Variants in LRRC37A2 observed in about 807,000 individuals in gnomAD.
LRRC37A2 encodes the protein leucine rich repeat containing 37 member A2, also known as leucine-rich repeat-containing protein 37A2.
In LRRC37A2, 9 loss-of-function variants were observed where a neutral mutation model predicts 68.8. That is an observed-to-expected ratio of 0.13 (90% confidence interval 0.08 to 0.23). The LOEUF (loss-of-function observed/expected upper bound fraction) is 0.23, where lower values mean the gene tolerates loss of function less well. Among genes scored for constraint, LRRC37A2 ranks in the 10% least tolerant of loss-of-function variants. LRRC37A2 has a pLI of 1.00. For missense variants in LRRC37A2, 168 were observed against 950.4 expected (o/e 0.18, Z 10.82); for synonymous variants, 63 against 367.6 (o/e 0.17, Z 9.48).
At chr17:46,818,865 C>T in the LRRC37A2 span, 2 of 538,704 alleles carry the variant, frequency 3.7e-6, no homozygotes, top group Non-Finnish European at 6.6e-6. Context: ...CCCGCCCGGC[C>T]CACAACTCGG....
chr17:46,721,682 T>C, the LRRC37A2 span: 3 of 1,605,652 alleles, frequency 1.9e-6, no homozygotes, highest in Non-Finnish European at 2.6e-6. Context: ...ATTGTTCTGC[T>C]GTGCTTTGTC....
At chr17:46,881,842 C>A in the LRRC37A2 span, among the ~76,000 whole-genome samples, 1 of 152,188 alleles carries the variant, frequency 6.6e-6, no homozygotes, top group African/African-American at 2.4e-5. Flanking sequence ...CACCAAGACA[C>A]TTACATACTT....
chr17:46,993,303 T>C, the LRRC37A2 span, among the ~76,000 whole-genome samples: 16 of 152,212 alleles, frequency 1.1e-4, no homozygotes, highest in African/African-American at 3.9e-4. Context: ...CCCAGGCTCA[T>C]GGGACAACAG....
At chr17:46,493,129 A>C in the LRRC37A2 span, among the ~76,000 whole-genome samples, 1 of 131,748 alleles carries the variant, frequency 7.6e-6, no homozygotes, top group African/African-American at 3.3e-5. Flanking sequence ...TGCCATCTGT[A>C]TATCATTGTT....
chr17:46,780,694 A>G, the LRRC37A2 span, among the ~76,000 whole-genome samples: 4 of 151,866 alleles, frequency 2.6e-5, no homozygotes, highest in African/African-American at 7.3e-5. Flanking sequence ...GGAGAATGGC[A>G]TGAACCTGGG....
At chr17:46,771,987 G>A in the LRRC37A2 span, among the ~76,000 whole-genome samples, 1 of 150,184 alleles carries the variant, frequency 6.7e-6, no homozygotes, top group African/African-American at 2.4e-5. Flanking sequence ...CCCCAGACTC[G>A]CGGAAGACGC....
chr17:46,927,664 G>T, the LRRC37A2 span, among the ~76,000 whole-genome samples: 3 of 152,114 alleles, frequency 2.0e-5, no homozygotes, highest in Admixed American at 6.5e-5. Flanking sequence ...ATAACGTGGG[G>T]CTGTGTCTAG....
the LRRC37A2 span, among the ~76,000 whole-genome samples, chr17:46,996,105 T>A: frequency 6.6e-6 from 1 of 152,104 alleles, no homozygotes; most frequent in Non-Finnish European, 1.5e-5. Context: ...GCTTCCCACT[T>A]ACCCCTGTGC....
the LRRC37A2 span, among the ~76,000 whole-genome samples, chr17:46,823,001 T>A: frequency 1.8e-4 from 16 of 86,732 alleles, no homozygotes; most frequent in East Asian, 6.6e-4. Context: ...TATTTATATA[T>A]ATATGTATTT....
chr17:47,008,654 A>G, the LRRC37A2 span, among the ~76,000 whole-genome samples: 1 of 146,150 alleles, frequency 6.8e-6, no homozygotes, highest in Admixed American at 6.9e-5. Flanking sequence ...TGTTTTTTGT[A>G]TTTTTAGTAG....
At chr17:46,956,232 T>C in the LRRC37A2 span, among the ~76,000 whole-genome samples, 1 of 149,598 alleles carries the variant, frequency 6.7e-6, no homozygotes, top group East Asian at 2.0e-4. Context: ...CCCTCTGGGG[T>C]AGAAATCTCT....
At chr17:46,926,049 C>G in the LRRC37A2 span, among the ~76,000 whole-genome samples, 1 of 152,164 alleles carries the variant, frequency 6.6e-6, no homozygotes, top group Admixed American at 6.5e-5. Context: ...ACAAGAAGCA[C>G]TACATTTAAC....
the LRRC37A2 span, among the ~76,000 whole-genome samples, chr17:46,417,480 CT>C: frequency 2.6e-5 from 1 of 37,804 alleles, no homozygotes; most frequent in African/African-American, 8.2e-5. Context: ...AAAAAACAGT[CT>C]TTGTTTATAA....
chr17:46,754,980 A>G, the LRRC37A2 span, among the ~76,000 whole-genome samples: 3 of 152,238 alleles, frequency 2.0e-5, no homozygotes, highest in Non-Finnish European at 4.4e-5. Context: ...ATTGGTTGTC[A>G]TTTGAACTCT....
the LRRC37A2 span, among the ~76,000 whole-genome samples, chr17:46,861,005 C>T: frequency 6.6e-6 from 1 of 152,160 alleles, no homozygotes; most frequent in Non-Finnish European, 1.5e-5. Flanking sequence ...ATTACAGGCC[C>T]AAGGCATCAT....
At chr17:47,028,389 A>C in the LRRC37A2 span, 1 of 1,291,014 alleles carries the variant, frequency 7.7e-7, no homozygotes, top group Non-Finnish European at 1.1e-6. Context: ...GAATACATGT[A>C]AACAACTATT....
chr17:46,492,998 GTTTTTT>G, the LRRC37A2 span, among the ~76,000 whole-genome samples: 1 of 130,122 alleles, frequency 7.7e-6, no homozygotes, highest in Admixed American at 7.5e-5. Context: ...CTGGCCTCAA[GTTTTTT>G]TTTTTTTTTT....
At chr17:46,750,107 C>A in the LRRC37A2 span, among the ~76,000 whole-genome samples, 1 of 152,198 alleles carries the variant, frequency 6.6e-6, no homozygotes, top group Non-Finnish European at 1.5e-5. Flanking sequence ...AATCCCAGCA[C>A]TTTGGGAGGA....
the LRRC37A2 span, chr17:46,875,408 G>A: frequency 8.4e-6 from 13 of 1,542,474 alleles, no homozygotes; most frequent in Non-Finnish European, 1.1e-5. Flanking sequence ...TCCCACCAGG[G>A]TACACAGCTG....
Sources: allele counts gnomAD v4.1 joint callset (sites outside exome capture counted in the v4.1 genomes callset), GRCh38; gene constraint gnomAD v4.1.1; transcripts MANE v1.5; gene names NCBI Gene and HGNC (gene_info 2026-07-23, HGNC 2026-07-21).